ECPAS: variants seen among roughly 807,000 people sequenced by gnomAD.
ECPAS encodes the protein Ecm29 proteasome adaptor and scaffold, also known as proteasome adapter and scaffold protein ECM29.
ECPAS carries 70 observed loss-of-function variants against 255.1 expected under a neutral mutation model. That is an observed-to-expected ratio of 0.27 (90% CI 0.23 to 0.33). The LOEUF is 0.33. Among genes scored for constraint, ECPAS ranks in the 10% least tolerant of loss-of-function variants. ECPAS has a pLI of 1.00. For synonymous variants in ECPAS, 784 were observed against 775.0 expected, an observed-to-expected ratio of 1.01 and a Z score of -0.19; for missense variants, 1,817 against 2,206.4, an observed-to-expected ratio of 0.82 and a Z score of 3.54.
At chr9:111,416,511 G>C (rs2098203761) in intron 17 of ECPAS, among the ~76,000 whole-genome samples, 159 bp from the exon 18 acceptor site, 1 of 152,174 alleles carries the variant, frequency 6.6e-6, no homozygotes, top group African/African-American at 2.4e-5. Context: ...TGCTGATCGT[G>C]CATGTCCCTC....
At chr9:111,406,870 C>T (rs1017958088) in intron 24 of ECPAS, among the ~76,000 whole-genome samples, 9 of 148,774 alleles carry the variant, frequency 6.0e-5, no homozygotes, top group Non-Finnish European at 1.0e-4. Context: ...GAATGAGATC[C>T]TATTGTAAAA....
At chr9:111,466,616 T>TACACACACACACACACACAC (rs55763374) in intron 2 of ECPAS, among the ~76,000 whole-genome samples, 4 of 143,382 alleles carry the variant, frequency 2.8e-5, no homozygotes, top group East Asian at 2.1e-4. Flanking sequence ...AATAACTAAA[T>TACACACACACACACACACAC]ACACACACAC....
chr9:111,394,282 G>C lies in ECPAS; in HGVS notation c.2800C>G (p.Pro934Ala). ...TTTAAAATCACATCCAACACCCATG[G>C]AACCACATCATTCACTTTGGCTCCT... is the stretch of plus-strand genomic sequence containing the variant. ...PAGAKVNDVV[P>A]WVLDVILNKH... is the part of the protein sequence containing the mutation. The change falls in exon 26 of 50, where the codon CCA becomes GCA. Residue 934 changes from proline (P) to alanine (A), a missense_variant. Pro to Ala is a conservative substitution (Grantham distance 27). Around this residue, in one of 4 missense-constraint regions of ECPAS, gnomAD observed 960 missense variants for 1,179.0 expected, o/e 0.81. Coordinates refer to ENST00000684092, the MANE Select transcript of ECPAS (RefSeq NM_001364929.1). 1 of 1,566,166 alleles carries C rather than the reference G, an allele frequency of 6.4e-7. No homozygotes were observed. Among genetic ancestry groups the C allele is most frequent in the Non-Finnish European group, 8.7e-7 (1 of 1,155,832 alleles).
At chr9:111,410,901 A>C (rs1041363005) in intron 22 of ECPAS, 79 bp downstream of exon 22, 1 of 1,384,696 alleles carries the variant, frequency 7.2e-7, no homozygotes, top group African/African-American at 1.4e-5. Context: ...ATGCCATAAA[A>C]AGAAACTGAA....
chr9:111,452,236 G>A (rs1400956427), intron 2 of ECPAS, among the ~76,000 whole-genome samples: 1 of 152,150 alleles, frequency 6.6e-6, no homozygotes, highest in Non-Finnish European at 1.5e-5. Context: ...ATTGTTTTAG[G>A]TACTATAATG....
chr9:111,410,837 A>T, intron 22 of ECPAS, 143 bp downstream of exon 22: 1 of 910,224 alleles, frequency 1.1e-6, no homozygotes, highest in Non-Finnish European at 1.7e-6. Flanking sequence ...TACTAAAAAT[A>T]CATTATTTAT....
At chr9:111,434,313 A>G (rs2098234472) in intron 7 of ECPAS, among the ~76,000 whole-genome samples, 1 of 152,254 alleles carries the variant, frequency 6.6e-6, no homozygotes, top group South Asian at 2.1e-4. Flanking sequence ...ACAAAGATAT[A>G]AACTAAACAA....
At chr9:111,471,786 C>T (rs1257442307) in intron 2 of ECPAS, among the ~76,000 whole-genome samples, 2 of 152,102 alleles carry the variant, frequency 1.3e-5, no homozygotes, top group South Asian at 2.1e-4. Flanking sequence ...CATGAAGATG[C>T]CTCCTTCATA....
chr9:111,384,418 T>C (rs2098144663), intron 34 of ECPAS, 104 bp downstream of exon 34: 7 of 1,047,148 alleles, frequency 6.7e-6, no homozygotes, highest in Non-Finnish European at 1.0e-5. Flanking sequence ...TGAAGCCAAT[T>C]ATACTGCAAC....
intron 2 of ECPAS, among the ~76,000 whole-genome samples, chr9:111,465,965 T>C (rs774198083): frequency 5.9e-5 from 9 of 151,500 alleles, no homozygotes; most frequent in Non-Finnish European, 1.2e-4. Context: ...GCTCAGGAGG[T>C]TGAGGCTGCA....
intron 47 of ECPAS, 55 bp from the exon 48 acceptor site, chr9:111,366,382 A>G (rs953820441): frequency 1.4e-6 from 2 of 1,420,446 alleles, no homozygotes; most frequent in African/African-American, 2.8e-5. Context: ...ACAGTCTAAA[A>G]CTTTCCTGTC....
intron 3 of ECPAS, among the ~76,000 whole-genome samples, chr9:111,449,028 C>T (rs1461779847): frequency 3.3e-5 from 5 of 152,060 alleles, no homozygotes; most frequent in South Asian, 2.1e-4. Flanking sequence ...CCTGGCCTGA[C>T]CATTTGTTAT....
chr9:111,443,262 T>A (rs932300581), intron 4 of ECPAS, among the ~76,000 whole-genome samples: 1 of 152,208 alleles, frequency 6.6e-6, no homozygotes, highest in African/African-American at 2.4e-5. Context: ...TTTCATTTTT[T>A]TCCCCCAAGA....
intron 35 of ECPAS, among the ~76,000 whole-genome samples, chr9:111,381,471 T>C (rs2131560409): frequency 6.6e-6 from 1 of 152,306 alleles, no homozygotes; most frequent in East Asian, 1.9e-4. Flanking sequence ...AAGTATGAAA[T>C]ACCGTGAGAA....
chr9:111,457,930 T>A (rs2098268867), intron 2 of ECPAS, among the ~76,000 whole-genome samples: 1 of 152,226 alleles, frequency 6.6e-6, no homozygotes. Flanking sequence ...AAATGTGATT[T>A]AGGAAAATAT....
At chr9:111,379,961 T>A (rs933339795) in intron 35 of ECPAS, among the ~76,000 whole-genome samples, 1 of 152,216 alleles carries the variant, frequency 6.6e-6, no homozygotes, top group African/African-American at 2.4e-5. Context: ...AAAGTTGGAA[T>A]CAACTTCTTC....
chr9:111,403,988 AAAC>A lies in ECPAS; in HGVS notation c.2652+4580_2652+4582del, dbSNP rs769650260. Among the ~76,000 whole-genome samples the A allele has an allele frequency of 1.7e-4, 26 of 149,944 alleles. 1 individual carries two copies. The highest frequency in any genetic ancestry group is 2.6e-4 in the Non-Finnish European group (18 of 67,974). On this transcript the variant is annotated intron_variant, in intron 24 of 49. Coordinates refer to ENST00000684092, the MANE Select transcript of ECPAS (RefSeq NM_001364929.1). ...GAAACTACAGAAATACATGGAAATT[AAAC>A]AACACGTTCCTGAACAACCAATGGA...
At chr9:111,466,402 G>A (rs575572066) in intron 2 of ECPAS, among the ~76,000 whole-genome samples, 9 of 151,954 alleles carry the variant, frequency 5.9e-5, no homozygotes, top group South Asian at 2.1e-4. Context: ...CCATGATGGC[G>A]CCATTGCACT....
At chr9:111,418,946 T>G (rs2098208779) in intron 16 of ECPAS, among the ~76,000 whole-genome samples, 1 of 152,204 alleles carries the variant, frequency 6.6e-6, no homozygotes, top group Non-Finnish European at 1.5e-5. Context: ...AAATGTGCTC[T>G]ATGAGAAGCA....
Sources: gnomAD v4.1 joint callset for allele counts (sites outside exome capture counted in the v4.1 genomes callset) on GRCh38, gnomAD v4.1.1 for gene constraint, gnomAD v4.1.1 regional missense constraint, MANE v1.5 for transcripts, NCBI Gene and HGNC (gene_info 2026-07-23, HGNC 2026-07-21) for gene names.